Variants in ITSN2 observed in about 807,000 individuals in gnomAD.
ITSN2 encodes intersectin-2.
ITSN2 carries 156 observed loss-of-function variants against 243.7 expected under a neutral mutation model. That is an observed-to-expected ratio of 0.64 (90% CI 0.56 to 0.73). The LOEUF (loss-of-function observed/expected upper bound fraction) is 0.73, where lower values mean the gene tolerates loss of function less well. ITSN2 is among the 30% of genes least tolerant of loss of function. The pLI, the probability that ITSN2 is intolerant of heterozygous loss-of-function variation, is 0.00. For synonymous variants in ITSN2, 703 were observed against 699.9 expected (o/e 1.00, Z -0.07); for missense variants, 1,801 against 1,996.1 (o/e 0.90, Z 1.86).
chr2:24,246,564 A>C (rs1027372385), intron 28 of ITSN2, among the ~76,000 whole-genome samples: 1 of 152,190 alleles, frequency 6.6e-6, no homozygotes, highest in Non-Finnish European at 1.5e-5. Flanking sequence ...ATGGTGTAAC[A>C]ATTTCACATT....
Position 24,204,302 on chromosome 2 carries a change from G to T in ITSN2, c.4879C>A (p.Leu1627Ile), listed in dbSNP as rs763535277. The T allele has an allele frequency of 6.2e-7, 1 of 1,614,164 alleles. No individual in the cohort carries two copies. Among genetic ancestry groups the T allele is most frequent in the East Asian group, 2.2e-5 (1 of 44,888 alleles). Residue 1627 changes from leucine (L) to isoleucine (I), a missense_variant, in exon 39 of 40, where the codon CTC (leucine) becomes ATC (isoleucine). By Grantham distance (5) the Leu-to-Ile change is conservative (BLOSUM62 2). Transcript: ENST00000355123. This position sits in a 1 kb window ranked among gnomAD's most constrained non-coding sequence, Gnocchi z 5.1. ...NFNCQFFIKD[L>I]YQDVLCLTLF... ...GTGAGACACAGCACGTCTTGGTAGAGATCCTTAATAAAGAACTGGCAGTTA... is the reference window on the plus strand; with the variant it reads ...GTGAGACACAGCACGTCTTGGTAGATATCCTTAATAAAGAACTGGCAGTTA...
intron 29 of ITSN2, among the ~76,000 whole-genome samples, chr2:24,228,998 T>C (rs765113860): frequency 1.3e-5 from 2 of 152,218 alleles, no homozygotes; most frequent in African/African-American, 2.4e-5. Context: ...CCGTATGAGA[T>C]GGTAGAAACA....
At chr2:24,323,198 A>ATT (rs1684782973) in intron 2 of ITSN2, among the ~76,000 whole-genome samples, 1 of 492 alleles carries the variant, frequency 2.0e-3, no homozygotes, top group African/African-American at 0.011. Flanking sequence ...CCAACAATAG[A>ATT]CTGAGTATTA....
intron 15 of ITSN2, among the ~76,000 whole-genome samples, chr2:24,292,367 A>G (rs967542666): frequency 2.0e-5 from 3 of 152,188 alleles, no homozygotes; most frequent in South Asian, 2.1e-4. Context: ...GCCACTGTGC[A>G]TATCAGGTGG....
intron 20 of ITSN2, among the ~76,000 whole-genome samples, chr2:24,265,150 ACTT>A (rs1042768948): frequency 5.3e-5 from 8 of 152,310 alleles, no homozygotes; most frequent in African/African-American, 1.2e-4. Context: ...AGAAGAACAG[ACTT>A]CTTATCTTTT....
intron 17 of ITSN2, among the ~76,000 whole-genome samples, chr2:24,277,368 T>G (rs1035794948): frequency 1.1e-4 from 16 of 152,228 alleles, no homozygotes; most frequent in African/African-American, 2.9e-4. Context: ...AAGTGAACCT[T>G]TTACTTGATT....
At chr2:24,223,798 AAAG>A (rs1670715853) in intron 29 of ITSN2, among the ~76,000 whole-genome samples, 1 of 137,384 alleles carries the variant, frequency 7.3e-6, no homozygotes, top group Admixed American at 7.7e-5. Context: ...GGAAGGAGTG[AAAG>A]AAGGAAGGGA....
chr2:24,359,555 A>C (rs1688760732), intron 1 of ITSN2, among the ~76,000 whole-genome samples: 1 of 152,226 alleles, frequency 6.6e-6, no homozygotes. Flanking sequence ...CAAACGGAGC[A>C]TCTTTCTATA....
At chr2:24,344,989 T>C (rs1360278282) in intron 1 of ITSN2, among the ~76,000 whole-genome samples, 1 of 152,080 alleles carries the variant, frequency 6.6e-6, no homozygotes, top group African/African-American at 2.4e-5. Context: ...ACGGGTAAAA[T>C]CTGTATTAAT....
At chr2:24,293,872 A>T in intron 14 of ITSN2, 97 bp from the exon 15 acceptor site, 1 of 431,884 alleles carries the variant, frequency 2.3e-6, no homozygotes, top group Non-Finnish European at 4.2e-6. Flanking sequence ...CATCTTTGAA[A>T]CTTATTTTAG....
intron 1 of ITSN2, among the ~76,000 whole-genome samples, chr2:24,349,969 T>C (rs1480745758): frequency 6.6e-6 from 1 of 152,192 alleles, no homozygotes; most frequent in Non-Finnish European, 1.5e-5. Flanking sequence ...TAGTACTAAT[T>C]TTCTAGTGCT....
chr2:24,222,668 C>CT (rs56149622), intron 29 of ITSN2, among the ~76,000 whole-genome samples: 1,916 of 77,234 alleles, frequency 0.025, 3 homozygotes, highest in Non-Finnish European at 0.031. Context: ...TTTTTCTTTT[C>CT]TTTTTTTTTT....
chr2:24,359,178 T>C (rs900745546), intron 1 of ITSN2, among the ~76,000 whole-genome samples: 6 of 152,236 alleles, frequency 3.9e-5, no homozygotes, highest in Admixed American at 3.3e-4. Flanking sequence ...TTTTATGCGA[T>C]GTTTCTAGGT....
chr2:24,328,179 C>G, intron 1 of ITSN2, 64 bp from the exon 2 acceptor site: 1 of 1,151,996 alleles, frequency 8.7e-7, no homozygotes, highest in Non-Finnish European at 1.3e-6. Context: ...TTAGTGCACC[C>G]GCTAAGCAGT....
At chr2:24,210,705 G>T in intron 34 of ITSN2, 75 bp downstream of exon 34, 1 of 1,437,560 alleles carries the variant, frequency 7.0e-7, no homozygotes. Flanking sequence ...GACTGTCCAC[G>T]TGAGGGAAGG....
intron 29 of ITSN2, among the ~76,000 whole-genome samples, chr2:24,245,477 C>CTT (rs1211938107): frequency 2.1e-5 from 3 of 144,948 alleles, no homozygotes; most frequent in Non-Finnish European, 3.0e-5. Context: ...TTGCTGGCTA[C>CTT]TTTTTTTTTT....
intron 34 of ITSN2, 78 bp downstream of exon 34, chr2:24,210,702 C>T: frequency 7.2e-7 from 1 of 1,392,612 alleles, no homozygotes. Flanking sequence ...GCAGACTGTC[C>T]ACGTGAGGGA....
intron 17 of ITSN2, among the ~76,000 whole-genome samples, chr2:24,279,343 T>C (rs1302141106): frequency 2.0e-5 from 3 of 152,188 alleles, no homozygotes; most frequent in Non-Finnish European, 4.4e-5. Flanking sequence ...GACAAGCATT[T>C]CCCCAATCAT....
chr2:24,256,767 C>T (rs1280297783), intron 23 of ITSN2, among the ~76,000 whole-genome samples: 1 of 152,004 alleles, frequency 6.6e-6, no homozygotes, highest in Non-Finnish European at 1.5e-5. Flanking sequence ...AAAAAAAAGA[C>T]ATGCATCCCA....
Sources: allele counts gnomAD v4.1 joint callset (sites outside exome capture counted in the v4.1 genomes callset), GRCh38; gene constraint gnomAD v4.1.1; non-coding constraint Gnocchi (gnomAD v3.1); transcripts MANE v1.5; gene names NCBI Gene and HGNC (gene_info 2026-07-23, HGNC 2026-07-21).